ALG6: variants seen among roughly 807,000 people sequenced by gnomAD.
ALG6 encodes the protein ALG6 alpha-1,3-glucosyltransferase, also known as dolichyl pyrophosphate Man9GlcNAc2 alpha-1,3-glucosyltransferase.
A neutral mutation model predicts 66.6 loss-of-function variants in ALG6; 46 were observed. The observed-to-expected ratio is 0.69, with a 90% CI of 0.55 to 0.88. The LOEUF is 0.88. Ranked by LOEUF, ALG6 falls within the 40% of genes least tolerant of loss-of-function variation. ALG6 has a pLI of 0.00. For missense variants in ALG6, 505 were observed against 586.8 expected, an observed-to-expected ratio of 0.86 and a Z score of 1.44; for synonymous variants, 185 against 203.7, an observed-to-expected ratio of 0.91 and a Z score of 0.78.
At chr1:63,375,379 G>A (rs1389405458) in intron 2 of ALG6, among the ~76,000 whole-genome samples, 1 of 149,970 alleles carries the variant, frequency 6.7e-6, no homozygotes, top group Non-Finnish European at 1.5e-5. Flanking sequence ...CGAGTAGCTG[G>A]GATTTACAGG....
chr1:63,436,220 T>A, intron 14 of ALG6, among the ~76,000 whole-genome samples: 1 of 152,196 alleles, frequency 6.6e-6, no homozygotes, highest in Non-Finnish European at 1.5e-5. Flanking sequence ...ATTTGATTCA[T>A]TTATTCATTC....
intron 14 of ALG6, among the ~76,000 whole-genome samples, chr1:63,435,757 T>A (rs3004316): frequency 0.76 from 115,471 of 152,084 alleles, 44,449 homozygotes; most frequent in African/African-American, 0.87. Context: ...ATAAAAATTC[T>A]GTTCCTCAGT....
At chr1:63,422,130 AATATATAAATAT>A (rs1468449818) in intron 12 of ALG6, among the ~76,000 whole-genome samples, 1 of 67,966 alleles carries the variant, frequency 1.5e-5, no homozygotes, top group Non-Finnish European at 2.6e-5. Flanking sequence ...TATATAAATA[AATATATAAATAT>A]ATATAAATAT....
chr1:63,430,673 A>T (rs1169701906), intron 14 of ALG6, among the ~76,000 whole-genome samples: 1 of 152,208 alleles, frequency 6.6e-6, no homozygotes, highest in African/African-American at 2.4e-5. Context: ...TCATGTGCTT[A>T]TCGGCCATTT....
In ALG6 at chr1:63,422,298, G is replaced by A. The variant is rs1431423236; in HGVS notation, c.1058+2858G>A. On this transcript the variant is annotated intron_variant, in intron 12 of 14. Transcript: ENST00000263440. ...ATATATAAATATATATATTTATATA[G>A]ATATAAATATATATCTATATATGAA... Among the ~76,000 whole-genome samples, 2 of 60,932 alleles carry A rather than the reference G, an allele frequency of 3.3e-5. 1 individual carries two copies. The highest frequency in any genetic ancestry group is 1.7e-4 in the African/African-American group (2 of 11,502). The allele number at this position is 60,932 out of a possible 152,430, so 40.0% of individuals were successfully genotyped here. A position where few individuals can be genotyped will look rare whatever the true frequency, so the allele number is the denominator to read the frequency against.
At chr1:63,390,094 T>C (rs1409033729) in intron 2 of ALG6, among the ~76,000 whole-genome samples, 1 of 152,204 alleles carries the variant, frequency 6.6e-6, no homozygotes, top group Non-Finnish European at 1.5e-5. Flanking sequence ...TTCCTGCCGA[T>C]GTTCACTCAA....
At chr1:63,397,868 T>C (rs1405324195) in intron 3 of ALG6, among the ~76,000 whole-genome samples, 3 of 152,236 alleles carry the variant, frequency 2.0e-5, no homozygotes, top group Non-Finnish European at 4.4e-5. Flanking sequence ...AATAGTAGAC[T>C]ACATATTTCA....
intron 7 of ALG6, 73 bp downstream of exon 7, chr1:63,407,199 C>T (rs2100417716): frequency 2.7e-6 from 3 of 1,093,448 alleles, no homozygotes; most frequent in Non-Finnish European, 4.2e-6. Context: ...ACATTGCTGT[C>T]ATCTAGTAAT....
At chr1:63,398,976 T>C (rs1231904846) in intron 3 of ALG6, among the ~76,000 whole-genome samples, 2 of 152,220 alleles carry the variant, frequency 1.3e-5, no homozygotes. Context: ...TGGGCACAGC[T>C]TAGCTAGGTA....
chr1:63,411,483 T>G (rs568954653), intron 8 of ALG6, 152 bp downstream of exon 8: 97 of 709,290 alleles, frequency 1.4e-4, no homozygotes, highest in Non-Finnish European at 2.1e-4. Flanking sequence ...AGAGATTAAG[T>G]CATGTTCTGT....
intron 7 of ALG6, 88 bp from the exon 8 acceptor site, chr1:63,411,058 C>G: frequency 7.5e-7 from 1 of 1,336,064 alleles, no homozygotes; most frequent in Non-Finnish European, 1.1e-6. Context: ...GCTTGCATTT[C>G]CTAGAGCATA....
chr1:63,406,244 G>A, intron 5 of ALG6, 73 bp from the exon 6 acceptor site: 1 of 1,294,586 alleles, frequency 7.7e-7, no homozygotes, highest in Non-Finnish European at 1.1e-6. Context: ...AATGTTGGAG[G>A]AAGGGAGGCA....
At chr1:63,422,966 G>A (rs1020708026) in intron 12 of ALG6, among the ~76,000 whole-genome samples, 5 of 151,056 alleles carry the variant, frequency 3.3e-5, no homozygotes, top group Non-Finnish European at 7.4e-5. Context: ...AAAAAACAAA[G>A]GAAACAAAAA....
intron 12 of ALG6, 163 bp from the exon 13 acceptor site, chr1:63,428,570 T>C: frequency 1.7e-6 from 1 of 577,820 alleles, no homozygotes; most frequent in Non-Finnish European, 3.0e-6. Context: ...TAATTTAGTC[T>C]GGACTGTTAA....
chr1:63,382,855 T>C (rs1350356116), intron 2 of ALG6, among the ~76,000 whole-genome samples: 1 of 151,822 alleles, frequency 6.6e-6, no homozygotes, highest in Non-Finnish European at 1.5e-5. Flanking sequence ...TTTTTGTATT[T>C]TTATTAGAGA....
intron 12 of ALG6, among the ~76,000 whole-genome samples, chr1:63,426,160 G>A (rs1032802105): frequency 6.6e-6 from 1 of 152,184 alleles, no homozygotes; most frequent in South Asian, 2.1e-4. Flanking sequence ...CGGCCCTGTG[G>A]TTGGTCAGTA....
chr1:63,408,047 T>A (rs1644498598), intron 7 of ALG6, among the ~76,000 whole-genome samples: 1 of 152,156 alleles, frequency 6.6e-6, no homozygotes, highest in African/African-American at 2.4e-5. Context: ...AATGTGACAC[T>A]CATGCAGAAA....
rs998747557 is a variant in ALG6, at chr1:63,367,658, C to G, written c.-237C>G. 1.3e-5 allele frequency: 2 copies of G among 152,330 alleles called. No individual in the cohort carries two copies. The highest frequency in any genetic ancestry group is 2.9e-5 in the Non-Finnish European group (2 of 68,128). The allele number at this position is 152,330 out of a possible 1,614,324, so 9.4% of individuals were successfully genotyped here. On this transcript the variant is annotated 5_prime_UTR_variant, in exon 1 of 15. Coordinates refer to ENST00000263440, the MANE Select transcript of ALG6 (RefSeq NM_013339.4). Reference sequence around the variant, plus strand: ...GCGCCTTCCTGGGACCCACGGCAGGCGCGAATCCCAGCGGCCGGCGGGCGG... The same window carrying G: ...GCGCCTTCCTGGGACCCACGGCAGGGGCGAATCCCAGCGGCCGGCGGGCGG...
intron 14 of ALG6, among the ~76,000 whole-genome samples, chr1:63,435,184 A>T (rs1179275107): frequency 6.6e-6 from 1 of 152,220 alleles, no homozygotes; most frequent in Non-Finnish European, 1.5e-5. Context: ...TTGGGAAACA[A>T]GTGTAAATAG....
Sources: allele counts gnomAD v4.1 joint callset (sites outside exome capture counted in the v4.1 genomes callset), GRCh38; gene constraint gnomAD v4.1.1; transcripts MANE v1.5; gene names NCBI Gene and HGNC (gene_info 2026-07-23, HGNC 2026-07-21).